Variants in KCNQ5 observed in about 807,000 individuals in gnomAD.
KCNQ5 encodes potassium voltage-gated channel subfamily KQT member 5.
Under a neutral mutation model 98.2 loss-of-function variants are expected in KCNQ5, and 30 were observed. The ratio of observed to expected loss-of-function variants is 0.31; its 90% confidence interval spans 0.23 to 0.41. KCNQ5 has a LOEUF of 0.41. Ranked by LOEUF, KCNQ5 falls within the 10% of genes least tolerant of loss-of-function variation. The pLI is 1.00. For synonymous variants in KCNQ5, 458 were observed against 449.4 expected, an observed-to-expected ratio of 1.02 and a Z score of -0.24; for missense variants, 835 against 1,182.5, an observed-to-expected ratio of 0.71 and a Z score of 4.31.
chr6:73,189,961 G>C (rs6453652), intron 11 of KCNQ5, among the ~76,000 whole-genome samples: 3,050 of 147,792 alleles, frequency 0.021, 83 homozygotes, highest in African/African-American at 0.072. Flanking sequence ...GAGCCCAAGA[G>C]TTAGAGCCTG....
chr6:72,892,626 C>T (rs1248544616), intron 1 of KCNQ5, among the ~76,000 whole-genome samples: 2 of 152,004 alleles, frequency 1.3e-5, no homozygotes, highest in Admixed American at 6.5e-5. Flanking sequence ...GGAAACAAAG[C>T]TCCTTCATCT....
intron 1 of KCNQ5, among the ~76,000 whole-genome samples, chr6:72,761,890 G>A (rs756346210): frequency 2.0e-5 from 3 of 151,964 alleles, no homozygotes; most frequent in Non-Finnish European, 2.9e-5. Context: ...CCTTTGATAC[G>A]TAGAAGTCCC....
chr6:72,929,163 A>G (rs1345867574), intron 1 of KCNQ5, among the ~76,000 whole-genome samples: 1 of 152,150 alleles, frequency 6.6e-6, no homozygotes, highest in East Asian at 1.9e-4. Flanking sequence ...TTCTCAATGC[A>G]TTAAGAAGTT....
chr6:72,764,563 A>G (rs905623302), intron 1 of KCNQ5, among the ~76,000 whole-genome samples: 1 of 151,980 alleles, frequency 6.6e-6, no homozygotes, highest in Non-Finnish European at 1.5e-5. Context: ...GCACGTCACG[A>G]AGAATGGGAC....
intron 1 of KCNQ5, among the ~76,000 whole-genome samples, chr6:72,716,372 A>G (rs1219557469): frequency 1.3e-5 from 2 of 152,226 alleles, no homozygotes; most frequent in Non-Finnish European, 2.9e-5. Context: ...TTCCTTATAA[A>G]TGAATTACCA....
chr6:72,680,442 T>C (rs975968741), intron 1 of KCNQ5, among the ~76,000 whole-genome samples: 9 of 152,232 alleles, frequency 5.9e-5, no homozygotes, highest in Non-Finnish European at 1.3e-4. Flanking sequence ...AATGTGTGTT[T>C]GGATCAGCTT....
At chr6:72,853,262 C>T (rs555569534) in intron 1 of KCNQ5, among the ~76,000 whole-genome samples, 50 of 152,188 alleles carry the variant, frequency 3.3e-4, no homozygotes, top group African/African-American at 1.2e-3. Context: ...GTAAAAAGTG[C>T]TTTGAGATTT....
chr6:73,164,718 G>T (rs1777729350), intron 10 of KCNQ5, among the ~76,000 whole-genome samples: 2 of 151,878 alleles, frequency 1.3e-5, no homozygotes, highest in African/African-American at 4.9e-5. Flanking sequence ...AAAATTAAAG[G>T]ACTCTATATT....
chr6:72,762,946 G>A (rs1322863945), intron 1 of KCNQ5, among the ~76,000 whole-genome samples: 2 of 151,892 alleles, frequency 1.3e-5, no homozygotes, highest in Non-Finnish European at 2.9e-5. Context: ...AGCCATTTTA[G>A]TAATGCTTGT....
intron 1 of KCNQ5, among the ~76,000 whole-genome samples, chr6:72,875,720 G>A (rs1352730237): frequency 6.6e-6 from 1 of 151,906 alleles, no homozygotes; most frequent in Non-Finnish European, 1.5e-5. Context: ...GGTTCTTCAT[G>A]TATTTTTATT....
intron 1 of KCNQ5, among the ~76,000 whole-genome samples, chr6:72,763,884 T>C (rs1261716003): frequency 6.6e-6 from 1 of 152,044 alleles, no homozygotes. Flanking sequence ...CATTTTGTTG[T>C]CCTGTATCCT....
intron 1 of KCNQ5, among the ~76,000 whole-genome samples, chr6:72,897,733 T>C (rs1025380000): frequency 6.6e-6 from 1 of 152,108 alleles, no homozygotes; most frequent in African/African-American, 2.4e-5. Flanking sequence ...TGTGGCTCCA[T>C]TAGGACAGGC....
chr6:73,032,737 G>A (rs1415566785), intron 2 of KCNQ5, among the ~76,000 whole-genome samples: 1 of 152,078 alleles, frequency 6.6e-6, no homozygotes, highest in African/African-American at 2.4e-5. Context: ...TGGTGTTTAT[G>A]ATTCATACAT....
intron 1 of KCNQ5, among the ~76,000 whole-genome samples, chr6:72,837,065 T>A (rs1159530098): frequency 6.6e-6 from 1 of 152,228 alleles, no homozygotes; most frequent in East Asian, 1.9e-4. Flanking sequence ...AATAATATTC[T>A]AGTTCACCTT....
In KCNQ5 at chr6:72,853,142, C is replaced by G. The variant is rs543189983; in HGVS notation, c.399-150766C>G. 1.5e-3 allele frequency among the ~76,000 whole-genome samples: 231 copies of G among 152,302 alleles called. 1 individual carries two copies. The highest frequency in any genetic ancestry group is 1.9e-3 in the Non-Finnish European group (130 of 68,028). On this transcript the variant is annotated intron_variant, in intron 1 of 13. Coordinates refer to ENST00000370398, the MANE Select transcript of KCNQ5 (RefSeq NM_019842.4). The stretch of plus-strand genomic sequence containing the variant: ...CCTTTATATCAATTTATCCCTCCCT[C>G]CTGATAGACTTTAGTCAAAGCGAAG...
chr6:72,841,895 C>T (rs1028281286), intron 1 of KCNQ5, among the ~76,000 whole-genome samples: 4 of 151,994 alleles, frequency 2.6e-5, no homozygotes, highest in Non-Finnish European at 4.4e-5. Flanking sequence ...AAACATGTAC[C>T]AAAAAGATGA....
At position 72,779,191 on chromosome 6, in the gene KCNQ5, G is replaced by T. The variant is rs1007493040; in HGVS notation, c.398+156604G>T. Among the ~76,000 whole-genome samples the T allele has an allele frequency of 4.6e-5, 7 of 152,196 alleles. No individual in the cohort carries two copies. In the South Asian group the frequency reaches 1.0e-3, roughly 23 times the overall value. ...AGTATATTTGTAGGCTACAGGGAAG[G>T]ATGCCCCCCTAGAAAGCTGGTGTTG... On this transcript the variant is annotated intron_variant, in intron 1 of 13. Transcript: ENST00000370398.
intron 1 of KCNQ5, among the ~76,000 whole-genome samples, chr6:72,985,640 T>C (rs1280462369): frequency 2.6e-5 from 4 of 152,176 alleles, no homozygotes; most frequent in Admixed American, 6.5e-5. Flanking sequence ...ATGGCTAGTA[T>C]TGAAAAGTCA....
chr6:72,939,966 TA>T, intron 1 of KCNQ5, among the ~76,000 whole-genome samples: 1 of 152,284 alleles, frequency 6.6e-6, no homozygotes, highest in African/African-American at 2.4e-5. Context: ...AGGCAGCACA[TA>T]AAAAACGTTT....
Sources: allele counts gnomAD v4.1 joint callset (sites outside exome capture counted in the v4.1 genomes callset), GRCh38; gene constraint gnomAD v4.1.1; transcripts MANE v1.5; gene names NCBI Gene and HGNC (gene_info 2026-07-23, HGNC 2026-07-21).